Variants in IFNAR1 observed in about 807,000 individuals in gnomAD.
IFNAR1 encodes interferon alpha and beta receptor subunit 1, also known as interferon alpha/beta receptor 1.
IFNAR1 carries 47 observed loss-of-function variants against 62.1 expected under a neutral mutation model. That is an observed-to-expected ratio of 0.76 (90% CI 0.60 to 0.97). The LOEUF (loss-of-function observed/expected upper bound fraction) is 0.97, where lower values mean the gene tolerates loss of function less well. Among genes scored for constraint, IFNAR1 ranks in the 50% least tolerant of loss-of-function variants. The pLI is 0.00. For synonymous variants in IFNAR1, 219 were observed against 226.9 expected, an observed-to-expected ratio of 0.97 and a Z score of 0.31; for missense variants, 638 against 654.5, an observed-to-expected ratio of 0.97 and a Z score of 0.27.
At chr21:33,335,735 GT>G in intron 2 of IFNAR1, 88 bp downstream of exon 2, 1 of 1,143,282 alleles carries the variant, frequency 8.7e-7, no homozygotes, top group Non-Finnish European at 1.2e-6. Context: ...TTTGGAAAGT[GT>G]TTGGTTTTTC....
chr21:33,340,902 G>A (rs1214230470), intron 2 of IFNAR1, 97 bp from the exon 3 acceptor site: 9 of 746,952 alleles, frequency 1.2e-5, no homozygotes, highest in Non-Finnish European at 1.8e-5. Context: ...GAGTTATTAA[G>A]AGTTAAGAAA....
chr21:33,338,116 GA>G (rs1168223690), intron 2 of IFNAR1, among the ~76,000 whole-genome samples: 1 of 152,090 alleles, frequency 6.6e-6, no homozygotes, highest in Non-Finnish European at 1.5e-5. Flanking sequence ...TTTTTCAAAA[GA>G]AAACATACAG....
intron 6 of IFNAR1, among the ~76,000 whole-genome samples, chr21:33,348,433 TGTA>T (rs1045737558): frequency 6.6e-6 from 1 of 152,188 alleles, no homozygotes; most frequent in African/African-American, 2.4e-5. Context: ...GAAAATAAAA[TGTA>T]GTAAAATAAT....
rs201609461 is a variant in IFNAR1, at chr21:33,352,770, G to A, written c.1156G>A (p.Glu386Lys). 18 of 1,504,308 alleles carry A rather than the reference G, an allele frequency of 1.2e-5. No individual in the cohort carries two copies. Among genetic ancestry groups the A allele is most frequent in the Admixed American group, 7.7e-5 (4 of 51,630 alleles). 93.2% of individuals were successfully genotyped at this position (1,504,308 alleles called of 1,614,324 possible). A position where few individuals can be genotyped will look rare whatever the true frequency, so the allele number is the denominator to read the frequency against. ...TTATATTTTCTAGAGAAAAATTATC[G>A]AGAAAAAAACTGATGTTACAGTTCC... ...NTSNAERKII[E>K]KKTDVTVPNL... Residue 386 changes from glutamate (E) to lysine (K), a missense_variant, in exon 9 of 11, where the codon GAG (glutamate) becomes AAG (lysine). Coordinates refer to ENST00000270139, the MANE Select transcript of IFNAR1 (RefSeq NM_000629.3).
Position 33,349,405 on chromosome 21 carries a change from A to G in IFNAR1, c.1005A>G (p.Pro335=). The change falls in exon 8 of 11, where the codon CCA becomes CCG. Residue 335 remains proline (P), a synonymous_variant. Transcript: ENST00000270139. ...DTEIQAFLLP[P]VFNIRSLSDS... is the part of the protein sequence containing the mutation. ...TTTTTCTAGCTTTCCTACTTCCTCC[A>G]GTCTTTAACATTAGATCCCTTAGTG... 2 of 1,593,968 alleles carry G rather than the reference A, an allele frequency of 1.3e-6. No homozygotes were observed. Among genetic ancestry groups the G allele is most frequent in the African/African-American group, 1.4e-5 (1 of 73,696 alleles).
intron 5 of IFNAR1, among the ~76,000 whole-genome samples, chr21:33,344,782 T>TTATG (rs1568930722): frequency 6.7e-6 from 1 of 150,306 alleles, no homozygotes; most frequent in Non-Finnish European, 1.5e-5. Context: ...ATTTATTTAT[T>TTATG]TATTTATTTA....
intron 6 of IFNAR1, among the ~76,000 whole-genome samples, chr21:33,348,131 C>T (rs544436672): frequency 1.4e-4 from 21 of 152,206 alleles, no homozygotes; most frequent in Non-Finnish European, 2.6e-4. Context: ...GGGCAAGTTA[C>T]TTAACCTCTT....
intron 2 of IFNAR1, among the ~76,000 whole-genome samples, chr21:33,336,831 A>G (rs1179375318): frequency 6.8e-6 from 1 of 146,254 alleles, no homozygotes; most frequent in Non-Finnish European, 1.5e-5. Flanking sequence ...GCTCACTGCA[A>G]CCTCCACTTC....
At position 33,358,910 on chromosome 21, in the gene IFNAR1, C is replaced by T. The variant is rs1199627056; in HGVS notation, c.*3361C>T. ...AAGAGGCCGTGATATTTGCAGCAGC[C>T]TCAAATTGCTCTTAAGGGGTTTAGG... is the stretch of plus-strand genomic sequence containing the variant. On this transcript the variant is annotated 3_prime_UTR_variant, in exon 11 of 11. Coordinates refer to ENST00000270139, the MANE Select transcript of IFNAR1 (RefSeq NM_000629.3). The T allele has an allele frequency of 1.3e-5, 2 of 151,882 alleles. No individual in the cohort carries two copies. Among genetic ancestry groups the T allele is most frequent in the Non-Finnish European group, 2.9e-5 (2 of 68,000 alleles). 9.4% of individuals were successfully genotyped at this position (151,882 alleles called of 1,614,324 possible). A position where few individuals can be genotyped will look rare whatever the true frequency, so the allele number is the denominator to read the frequency against.
At chr21:33,339,998 T>C (rs1052857668) in intron 2 of IFNAR1, among the ~76,000 whole-genome samples, 9 of 151,928 alleles carry the variant, frequency 5.9e-5, no homozygotes, top group Non-Finnish European at 8.8e-5. Flanking sequence ...TGCAAGCTCT[T>C]CTTCCCCTTT....
In IFNAR1 at chr21:33,335,547, C is replaced by T. The variant is rs367718640; in HGVS notation, c.100C>T (p.Gln34Ter). 8.1e-6 allele frequency: 13 copies of T among 1,600,060 alleles called. No individual in the cohort carries two copies. The highest frequency in any genetic ancestry group is 1.1e-5 in the Non-Finnish European group (13 of 1,170,820). The stretch of plus-strand genomic sequence containing the variant: ...AGGTGGAAAAAATCTAAAATCTCCT[C>T]AAAAAGTAGAGGTCGACATCATAGA... ...AAGGKNLKSPQKVEVDIIDDN... is the reference protein window; with the variant it reads ...AAGGKNLKSP Residue 34 changes from glutamine to a stop codon, truncating the protein, a stop_gained, in exon 2 of 11, where the codon CAA becomes TAA. Transcript: ENST00000270139. LOFTEE classifies it high-confidence loss of function.
At chr21:33,347,171 C>T (rs995025141) in intron 6 of IFNAR1, among the ~76,000 whole-genome samples, 1 of 151,606 alleles carries the variant, frequency 6.6e-6, no homozygotes, top group Non-Finnish European at 1.5e-5. Context: ...ACTCTGTCAC[C>T]CAGACTGGAG....
chr21:33,324,889 G>T (rs1395903748), upstream of IFNAR1: 7 of 616,076 alleles, frequency 1.1e-5, no homozygotes, highest in Admixed American at 2.6e-5. Context: ...TGCGCGGAGG[G>T]GCGGTGTGTG....
rs1419414457 is a variant in IFNAR1 at position 33,356,485 on chromosome 21, G to A, written c.*936G>A. On this transcript the variant is annotated 3_prime_UTR_variant, in exon 11 of 11. Coordinates refer to ENST00000270139, the MANE Select transcript of IFNAR1 (RefSeq NM_000629.3). ...TCTGTTCATTCATCCCGAGAACATT[G>A]GCTTCCACATCACAGTATCTACCCT... The A allele has an allele frequency of 1.3e-5, 2 of 152,108 alleles. No individual in the cohort carries two copies. The highest frequency in any genetic ancestry group is 2.4e-5 in the African/African-American group (1 of 41,416). The allele number at this position is 152,108 out of a possible 1,614,324, so 9.4% of individuals were successfully genotyped here.
intron 5 of IFNAR1, among the ~76,000 whole-genome samples, chr21:33,344,455 A>G (rs2083325553): frequency 6.7e-6 from 1 of 148,336 alleles, no homozygotes. Context: ...TTTTAATCAA[A>G]CATTACGGAA....
In IFNAR1 at chr21:33,355,438, TGAA is replaced by T. The variant is rs1568934303; in HGVS notation, c.1566_1568del (p.Glu522del). The T allele has an allele frequency of 5.6e-6, 9 of 1,598,664 alleles. No homozygotes were observed. Among genetic ancestry groups the T allele is most frequent in the Non-Finnish European group, 7.7e-6 (9 of 1,168,876 alleles). Reference sequence around the variant, plus strand: ...CAGTAGAAGAAACTAATCAAACTGATGAAGATCATAAAAAATACAGTTCCCAAA... The same window carrying T: ...CAGTAGAAGAAACTAATCAAACTGATGATCATAAAAAATACAGTTCCCAAA... On this transcript the variant is annotated inframe_deletion, in exon 11 of 11. Coordinates refer to ENST00000270139, the MANE Select transcript of IFNAR1 (RefSeq NM_000629.3).
intron 8 of IFNAR1, among the ~76,000 whole-genome samples, chr21:33,351,554 T>A (rs575171855): frequency 6.3e-5 from 9 of 143,920 alleles, no homozygotes; most frequent in Admixed American, 5.5e-4. Flanking sequence ...TTTATTTTAT[T>A]TTTTTTTTTT....
In IFNAR1 at chr21:33,356,309, T is replaced by G. The variant is rs765815750; in HGVS notation, c.*760T>G. On this transcript the variant is annotated 3_prime_UTR_variant, in exon 11 of 11. Transcript: ENST00000270139. ...CTTCCTCGGGAGATATTTCAAACAT[T>G]TGGTCTTTTCTTTTAACACTGAGGG... 5.3e-5 allele frequency: 8 copies of G among 152,214 alleles called. No individual in the cohort carries two copies. Among genetic ancestry groups the G allele is most frequent in the Non-Finnish European group, 8.8e-5 (6 of 68,036 alleles). The allele number at this position is 152,214 out of a possible 1,614,324, so 9.4% of individuals were successfully genotyped here.
At chr21:33,354,669 T>C (rs2083431188) in intron 10 of IFNAR1, among the ~76,000 whole-genome samples, 1 of 152,138 alleles carries the variant, frequency 6.6e-6, no homozygotes, top group Non-Finnish European at 1.5e-5. Context: ...TGGGAAACCA[T>C]GTGCTCATCT....
Sources: gnomAD v4.1 joint callset for allele counts (sites outside exome capture counted in the v4.1 genomes callset) on GRCh38, gnomAD v4.1.1 for gene constraint, MANE v1.5 for transcripts, NCBI Gene and HGNC (gene_info 2026-07-23, HGNC 2026-07-21) for gene names.